Variants in CYP2C19 observed in about 807,000 individuals in gnomAD.
The protein encoded by CYP2C19 is cytochrome P450 2C19.
Under a neutral mutation model 40.9 loss-of-function variants are expected in CYP2C19, and 59 were observed. The observed-to-expected ratio is 1.44, with a 90% CI of 1.17 to 1.79. The LOEUF (loss-of-function observed/expected upper bound fraction) is 1.79. Ranked by LOEUF, CYP2C19 falls within the 40% of genes most tolerant of loss-of-function variation. The pLI is 0.00. For synonymous variants in CYP2C19, 253 were observed against 208.7 expected, an observed-to-expected ratio of 1.21 and a Z score of -1.83; for missense variants, 754 against 596.9, an observed-to-expected ratio of 1.26 and a Z score of -2.74.
At chr10:94,762,971 A>G (rs1442547437) in intron 1 of CYP2C19, 98 bp downstream of exon 1, 13 of 1,285,400 alleles carry the variant, frequency 1.0e-5, no homozygotes, top group Non-Finnish European at 1.5e-5. Context: ...ACAAGAGATC[A>G]TTGTAAAGTA....
At chr10:94,797,706 G>T (rs188368393) in intron 5 of CYP2C19, among the ~76,000 whole-genome samples, 84 of 151,976 alleles carry the variant, frequency 5.5e-4, no homozygotes, top group Non-Finnish European at 1.0e-3. Flanking sequence ...AATTCTTCCT[G>T]GTTTAGTCTT....
At chr10:94,779,567 T>TTTTCTTTTCTTTTC (rs372168417) in intron 3 of CYP2C19, among the ~76,000 whole-genome samples, 10 of 135,910 alleles carry the variant, frequency 7.4e-5, no homozygotes, top group Admixed American at 2.2e-4. Flanking sequence ...TTTTCTTTTC[T>TTTTCTTTTCTTTTC]TTTTTTTTTT....
intron 8 of CYP2C19, 110 bp from the exon 9 acceptor site, chr10:94,852,623 T>G: frequency 8.4e-7 from 1 of 1,185,054 alleles, no homozygotes; most frequent in Non-Finnish European, 1.2e-6. Flanking sequence ...CCTCCTATGA[T>G]TCACCGAACA....
intron 6 of CYP2C19, among the ~76,000 whole-genome samples, chr10:94,826,905 T>A (rs572235827): frequency 6.2e-4 from 94 of 152,044 alleles, no homozygotes; most frequent in Non-Finnish European, 1.1e-3. Context: ...TTTCTGCATG[T>A]AGTATTGAGA....
At chr10:94,823,273 A>G (rs1324241737) in intron 6 of CYP2C19, among the ~76,000 whole-genome samples, 1 of 152,140 alleles carries the variant, frequency 6.6e-6, no homozygotes, top group Non-Finnish European at 1.5e-5. Context: ...TCAAGTAACT[A>G]ATTTTCTCCC....
intron 1 of CYP2C19, among the ~76,000 whole-genome samples, chr10:94,763,469 G>T (rs1312732619): frequency 6.6e-6 from 1 of 152,108 alleles, no homozygotes; most frequent in Non-Finnish European, 1.5e-5. Context: ...TAGAAAGAGG[G>T]TTAGAAGATG....
At chr10:94,847,413 T>G (rs1849588550) in intron 7 of CYP2C19, among the ~76,000 whole-genome samples, 1 of 152,228 alleles carries the variant, frequency 6.6e-6, no homozygotes, top group African/African-American at 2.4e-5. Context: ...GAACTCATCA[T>G]TTTTTATGGC....
intron 5 of CYP2C19, among the ~76,000 whole-genome samples, chr10:94,787,529 G>C (rs777444949): frequency 2.6e-5 from 4 of 151,984 alleles, no homozygotes; most frequent in South Asian, 2.1e-4. Context: ...ATTCATTTTG[G>C]TTCCAATTGC....
intron 6 of CYP2C19, among the ~76,000 whole-genome samples, chr10:94,820,848 G>A (rs1201886471): frequency 6.6e-6 from 1 of 152,188 alleles, no homozygotes; most frequent in African/African-American, 2.4e-5. Flanking sequence ...CCTTTGGGAG[G>A]CCTAGGTGGG....
intron 5 of CYP2C19, among the ~76,000 whole-genome samples, chr10:94,794,292 C>G (rs9663214): frequency 0.078 from 11,814 of 152,192 alleles, 538 homozygotes; most frequent in South Asian, 0.12. Context: ...GGAATTCCCC[C>G]ACCCCTTGTG....
chr10:94,833,969 G>C (rs915397117), intron 6 of CYP2C19, among the ~76,000 whole-genome samples: 1 of 151,942 alleles, frequency 6.6e-6, no homozygotes, highest in Admixed American at 6.6e-5. Context: ...TTCTTTTTTT[G>C]ATGTGTCTTA....
At chr10:94,839,455 A>T (rs182220574) in intron 6 of CYP2C19, among the ~76,000 whole-genome samples, 1 of 152,164 alleles carries the variant, frequency 6.6e-6, no homozygotes, top group Non-Finnish European at 1.5e-5. Context: ...CTTTACCAGC[A>T]TGCCTAACAT....
At chr10:94,797,944 C>T (rs987706915) in intron 5 of CYP2C19, among the ~76,000 whole-genome samples, 4 of 151,904 alleles carry the variant, frequency 2.6e-5, no homozygotes, top group African/African-American at 9.7e-5. Context: ...AATATCAGCT[C>T]CTGGATTCAT....
At position 94,854,973 on chromosome 10, in the gene CYP2C19, C is replaced by T. The variant is rs116644674; in HGVS notation, c.*2059C>T. 3.1e-3 allele frequency among the ~76,000 whole-genome samples: 474 copies of T among 152,248 alleles called. 3 individuals carry two copies. Among genetic ancestry groups the T allele is most frequent in the African/African-American group, 0.011 (451 of 41,532 alleles). On this transcript the variant is annotated 3_prime_UTR_variant, in exon 9 of 9. Coordinates refer to ENST00000371321, the MANE Select transcript of CYP2C19 (RefSeq NM_000769.4). ...AATGTAGTGTTAGTAGAGGTGTTGACAAACACCCATGGGTGAGATAAATAA... is the reference window on the plus strand; with the variant it reads ...AATGTAGTGTTAGTAGAGGTGTTGATAAACACCCATGGGTGAGATAAATAA...
chr10:94,777,780 A>G (rs1193879723), intron 3 of CYP2C19, among the ~76,000 whole-genome samples: 1 of 152,206 alleles, frequency 6.6e-6, no homozygotes, highest in Non-Finnish European at 1.5e-5. Flanking sequence ...AGCAATGGCA[A>G]CAAAAGCCAA....
At chr10:94,787,268 C>T (rs996880414) in intron 5 of CYP2C19, among the ~76,000 whole-genome samples, 2 of 152,054 alleles carry the variant, frequency 1.3e-5, no homozygotes, top group Non-Finnish European at 2.9e-5. Context: ...AGCATTTTGT[C>T]ATATGCTTGT....
intron 6 of CYP2C19, among the ~76,000 whole-genome samples, chr10:94,830,129 A>G (rs1356095345): frequency 6.6e-6 from 1 of 152,220 alleles, no homozygotes; most frequent in Non-Finnish European, 1.5e-5. Context: ...CCCTGCCCCC[A>G]GAGGTGGAGC....
chr10:94,785,744 A>C (rs1848531973), intron 5 of CYP2C19, among the ~76,000 whole-genome samples: 1 of 152,116 alleles, frequency 6.6e-6, no homozygotes, highest in Non-Finnish European at 1.5e-5. Flanking sequence ...AGTCATAGAC[A>C]AGCAAGCTGG....
chr10:94,828,990 C>A lies in CYP2C19; in HGVS notation c.961+8353C>A, dbSNP rs551580078. On this transcript the variant is annotated intron_variant, in intron 6 of 8. Transcript: ENST00000371321. ...TTTCTTTAAGAATGTTGAATATTGG[C>A]CCCCACTCTCTTCTGGCTTGTAGAG... 1.4e-4 allele frequency among the ~76,000 whole-genome samples: 21 copies of A among 152,062 alleles called. No homozygotes were observed. The East Asian group carries it at 1.6e-3, about 11-fold the overall frequency.
Sources: gnomAD v4.1 joint callset for allele counts (sites outside exome capture counted in the v4.1 genomes callset) on GRCh38, gnomAD v4.1.1 for gene constraint, MANE v1.5 for transcripts, NCBI Gene and HGNC (gene_info 2026-07-23, HGNC 2026-07-21) for gene names.